CPLX2: variants seen among roughly 807,000 people sequenced by gnomAD.
The protein encoded by CPLX2 is complexin-2.
A neutral mutation model predicts 16.3 loss-of-function variants in CPLX2; 5 were observed. The observed-to-expected ratio is 0.31, with a 90% CI of 0.16 to 0.64. The LOEUF (loss-of-function observed/expected upper bound fraction) is 0.64, where lower values mean the gene tolerates loss of function less well. Ranked by LOEUF, CPLX2 falls within the 30% of genes least tolerant of loss-of-function variation. The pLI, the probability that CPLX2 is intolerant of heterozygous loss-of-function variation, is 0.79. For missense variants in CPLX2, 144 were observed against 181.4 expected, an observed-to-expected ratio of 0.79 and a Z score of 1.18; for synonymous variants, 89 against 73.2, an observed-to-expected ratio of 1.22 and a Z score of -1.10.
chr5:175,796,660 T>G (rs1757981330), exon 1 of CPLX2: 1 of 152,388 alleles, frequency 6.6e-6, no homozygotes, highest in Non-Finnish European at 1.5e-5. Flanking sequence ...CGCGTGCACG[T>G]GTGCTAGCCC....
chr5:175,850,612 A>G (rs887866333), intron 2 of CPLX2, among the ~76,000 whole-genome samples: 19 of 152,296 alleles, frequency 1.2e-4, no homozygotes, highest in African/African-American at 4.3e-4. Context: ...ATCATCATCC[A>G]CAGGAGCACA....
intron 2 of CPLX2, among the ~76,000 whole-genome samples, chr5:175,813,365 A>G (rs1252300759): frequency 2.0e-5 from 3 of 152,242 alleles, no homozygotes; most frequent in Non-Finnish European, 2.9e-5. Flanking sequence ...ATTTGGGGGA[A>G]ATTGAGAGAA....
Position 175,878,810 on chromosome 5 carries a change from C to T in CPLX2, c.31+40C>T. 3 of 1,611,576 alleles carry T rather than the reference C, an allele frequency of 1.9e-6. No individual in the cohort carries two copies. The South Asian group carries it at 3.3e-5, about 18-fold the overall frequency. On this transcript the variant is annotated intron_variant, in intron 2 of 3. Coordinates refer to ENST00000393745, the MANE Select transcript of CPLX2 (RefSeq NM_001008220.2). ...CCCTCCGCGTGTCCTCAGCCGGTCC[C>T]ACCCTTGTGGGAGGTGGCCTCGGCC...
At chr5:175,818,058 A>G (rs1398965136) in intron 2 of CPLX2, among the ~76,000 whole-genome samples, 1 of 152,188 alleles carries the variant, frequency 6.6e-6, no homozygotes, top group Admixed American at 6.5e-5. Context: ...AGCGCAAGAA[A>G]TGAATCCGTG....
chr5:175,842,214 G>A (rs1342165188), intron 2 of CPLX2, among the ~76,000 whole-genome samples: 1 of 152,208 alleles, frequency 6.6e-6, no homozygotes, highest in Non-Finnish European at 1.5e-5. Context: ...GGGGCCATAA[G>A]GCCACATTTC....
intron 2 of CPLX2, among the ~76,000 whole-genome samples, chr5:175,835,728 CTTTTTTTTT>C (rs71575283): frequency 3.1e-4 from 17 of 54,770 alleles, no homozygotes; most frequent in African/African-American, 7.6e-4. Context: ...TATTTATTTA[CTTTTTTTTT>C]TTTTTTTTTT....
chr5:175,842,992 A>G (rs534094857), intron 2 of CPLX2, among the ~76,000 whole-genome samples: 1 of 152,322 alleles, frequency 6.6e-6, no homozygotes, highest in African/African-American at 2.4e-5. Context: ...CTTGGGAATC[A>G]GCAGCCATAG....
intron 1 of CPLX2, among the ~76,000 whole-genome samples, chr5:175,799,705 ATTTTTTTTG>A (rs917452327): frequency 1.3e-4 from 19 of 149,196 alleles, no homozygotes; most frequent in Admixed American, 4.0e-4. Flanking sequence ...TTTTATTTTT[ATTTTTTTTG>A]TAGAAATGGA....
chr5:175,859,226 G>A (rs1162431553), intron 2 of CPLX2, among the ~76,000 whole-genome samples: 1 of 152,234 alleles, frequency 6.6e-6, no homozygotes, highest in Admixed American at 6.5e-5. Flanking sequence ...GAATCAGGAG[G>A]CGTAGCCAGG....
intron 2 of CPLX2, among the ~76,000 whole-genome samples, chr5:175,817,008 T>C (rs1758420139): frequency 6.6e-6 from 1 of 152,260 alleles, no homozygotes; most frequent in Non-Finnish European, 1.5e-5. Context: ...CAAGAGCGAC[T>C]GCAGCTGTTG....
Position 175,801,607 on chromosome 5 carries a change from C to T in CPLX2, c.-169+4823C>T, listed in dbSNP as rs545270208. Among the ~76,000 whole-genome samples, 26 of 152,256 alleles carry T rather than the reference C, an allele frequency of 1.7e-4. No homozygotes were observed. The South Asian group carries it at 3.7e-3, about 22-fold the overall frequency. The stretch of plus-strand genomic sequence containing the variant: ...GCAAGTTGTTTACCCTTGTGTGACT[C>T]GATGTCCTCATTCTTAAAGTGGAGA... On this transcript the variant is annotated intron_variant, in intron 1 of 4. Coordinates refer to the CPLX2 transcript ENST00000359546.
intron 2 of CPLX2, among the ~76,000 whole-genome samples, chr5:175,820,007 C>CAA (rs1561772853): frequency 6.6e-6 from 1 of 152,210 alleles, no homozygotes; most frequent in Non-Finnish European, 1.5e-5. Context: ...CCTTCCTTCC[C>CAA]CTCTCTCTGC....
At chr5:175,840,142 A>G (rs770725682) in intron 2 of CPLX2, among the ~76,000 whole-genome samples, 71 of 152,238 alleles carry the variant, frequency 4.7e-4, no homozygotes, top group Non-Finnish European at 6.6e-4. Flanking sequence ...AAACAATTAC[A>G]ATACATGCCC....
At chr5:175,797,809 G>A (rs1265382975) in intron 1 of CPLX2, among the ~76,000 whole-genome samples, 1 of 152,214 alleles carries the variant, frequency 6.6e-6, no homozygotes, top group Non-Finnish European at 1.5e-5. Flanking sequence ...CTTAGACCTG[G>A]GAGGTTGCAA....
At chr5:175,799,015 G>T (rs1307490891) in intron 1 of CPLX2, among the ~76,000 whole-genome samples, 1 of 152,192 alleles carries the variant, frequency 6.6e-6, no homozygotes, top group Non-Finnish European at 1.5e-5. Context: ...GTCCTTTGCA[G>T]AATGTTTTGA....
intron 2 of CPLX2, among the ~76,000 whole-genome samples, chr5:175,821,944 G>A (rs200445439): frequency 1.3e-5 from 2 of 152,274 alleles, no homozygotes; most frequent in African/African-American, 4.8e-5. Flanking sequence ...CAGAGTAGGA[G>A]GGTTCCTGAG....
intron 2 of CPLX2, among the ~76,000 whole-genome samples, chr5:175,865,306 T>C (rs1231439676): frequency 6.6e-6 from 1 of 152,138 alleles, no homozygotes; most frequent in East Asian, 1.9e-4. Context: ...TGGGCCAGAG[T>C]GTGCTGGTTC....
chr5:175,841,241 C>T (rs1254283793), intron 2 of CPLX2, among the ~76,000 whole-genome samples: 2 of 152,196 alleles, frequency 1.3e-5, no homozygotes, highest in Non-Finnish European at 2.9e-5. Flanking sequence ...CCACCACATA[C>T]ATCCCCCCAA....
In CPLX2 at chr5:175,845,262, A is replaced by G. The variant is rs186023812; in HGVS notation, c.-88-33390A>G. 9.0e-4 allele frequency among the ~76,000 whole-genome samples: 137 copies of G among 152,334 alleles called. No individual in the cohort carries two copies. Among genetic ancestry groups the G allele is most frequent in the Non-Finnish European group, 1.6e-3 (109 of 68,032 alleles). The stretch of plus-strand genomic sequence containing the variant: ...TCCCTCCTGTACTTACAACCCTACA[A>G]GGATCCACTATTCTTGGACTAAAAC... On this transcript the variant is annotated intron_variant, in intron 2 of 4. Transcript: ENST00000359546. This position sits in a 1 kb window ranked among gnomAD's most constrained non-coding sequence, Gnocchi z 4.0.
Sources: allele counts gnomAD v4.1 joint callset (sites outside exome capture counted in the v4.1 genomes callset), GRCh38; gene constraint gnomAD v4.1.1; non-coding constraint Gnocchi (gnomAD v3.1); transcripts MANE v1.5; gene names NCBI Gene and HGNC (gene_info 2026-07-23, HGNC 2026-07-21).